Variants in ADAMTSL1 observed in about 807,000 individuals in gnomAD.
The protein encoded by ADAMTSL1 is ADAMTS-like protein 1.
ADAMTSL1 carries 126 observed loss-of-function variants against 201.8 expected under a neutral mutation model. That is an observed-to-expected ratio of 0.62 (90% CI 0.54 to 0.72). The LOEUF (loss-of-function observed/expected upper bound fraction) is 0.72, where lower values mean the gene tolerates loss of function less well. Among genes scored for constraint, ADAMTSL1 ranks in the 30% least tolerant of loss-of-function variants. ADAMTSL1 has a pLI of 0.00. For missense variants in ADAMTSL1, 2,679 were observed against 2,277.8 expected, an observed-to-expected ratio of 1.18 and a Z score of -3.59; for synonymous variants, 1,121 against 903.4, an observed-to-expected ratio of 1.24 and a Z score of -4.32.
At position 18,646,410 on chromosome 9, in the gene ADAMTSL1, G is replaced by A. The variant is rs1381644068; in HGVS notation, c.834+6999G>A. On this transcript the variant is annotated intron_variant, in intron 7 of 28. Coordinates refer to ENST00000380548, the MANE Select transcript of ADAMTSL1 (RefSeq NM_001040272.6). ...TTCTCCTGCCTAATTGCCCTGGCCAGAACTTCCAGCACTATGTTGAATAGG... is the reference window on the plus strand; with the variant it reads ...TTCTCCTGCCTAATTGCCCTGGCCAAAACTTCCAGCACTATGTTGAATAGG... 2.6e-5 allele frequency among the ~76,000 whole-genome samples: 4 copies of A among 151,910 alleles called. No homozygotes were observed. In the East Asian group the frequency reaches 7.7e-4, roughly 29 times the overall value.
At chr9:18,199,687 G>A (rs180904228) in intron 2 of ADAMTSL1, among the ~76,000 whole-genome samples, 207 of 152,152 alleles carry the variant, frequency 1.4e-3, no homozygotes, top group Admixed American at 2.5e-3. Flanking sequence ...AGCTGATGCT[G>A]GTGGATATAT....
intron 24 of ADAMTSL1, 118 bp from the exon 25 acceptor site, chr9:18,889,450 C>T (rs944526558): frequency 2.7e-6 from 3 of 1,105,432 alleles, no homozygotes; most frequent in Non-Finnish European, 3.8e-6. Flanking sequence ...ATAATAGCTC[C>T]TCTCCTTCAG....
chr9:18,421,452 C>A (rs371249477), intron 2 of ADAMTSL1, among the ~76,000 whole-genome samples: 1 of 152,250 alleles, frequency 6.6e-6, no homozygotes. Context: ...AGCGATAGAG[C>A]CAGGATTCAA....
At chr9:18,196,068 G>T (rs745868577) in intron 2 of ADAMTSL1, among the ~76,000 whole-genome samples, 2 of 152,022 alleles carry the variant, frequency 1.3e-5, no homozygotes, top group Non-Finnish European at 2.9e-5. Flanking sequence ...GCCATTCCAC[G>T]GGTGGACGTT....
intron 2 of ADAMTSL1, among the ~76,000 whole-genome samples, chr9:18,378,339 T>C (rs913650138): frequency 1.3e-5 from 2 of 152,296 alleles, no homozygotes; most frequent in Middle Eastern, 3.4e-3. Context: ...TTTTCTAAAG[T>C]GTAATGAGAG....
chr9:18,730,443 G>A (rs904646324), intron 15 of ADAMTSL1, among the ~76,000 whole-genome samples: 13 of 152,360 alleles, frequency 8.5e-5, no homozygotes, highest in South Asian at 6.2e-4. Flanking sequence ...CTGTCATGGC[G>A]CCAGCCAAGG....
At chr9:18,376,797 C>T (rs1427460908) in intron 2 of ADAMTSL1, among the ~76,000 whole-genome samples, 5 of 151,976 alleles carry the variant, frequency 3.3e-5, no homozygotes, top group Non-Finnish European at 7.4e-5. Context: ...CAGAAAGAGA[C>T]ACTGTCTCAA....
chr9:18,768,187 A>C (rs529127577), intron 16 of ADAMTSL1, among the ~76,000 whole-genome samples: 1 of 152,356 alleles, frequency 6.6e-6, no homozygotes, highest in African/African-American at 2.4e-5. Context: ...TGGGTGAAAG[A>C]CTAAGACCAG....
chr9:18,394,216 A>G (rs923067986), intron 2 of ADAMTSL1, among the ~76,000 whole-genome samples: 3 of 152,156 alleles, frequency 2.0e-5, no homozygotes, highest in Non-Finnish European at 4.4e-5. Context: ...CCATTGACCA[A>G]TAAAAATTAG....
chr9:18,158,573 CAAGTGA>C (rs1827253988), intron 1 of ADAMTSL1, among the ~76,000 whole-genome samples: 2 of 152,020 alleles, frequency 1.3e-5, no homozygotes, highest in South Asian at 4.1e-4. Context: ...TTGTTTATCA[CAAGTGA>C]AATTTACTGA....
chr9:17,939,362 A>T (rs1180220876), intron 1 of ADAMTSL1, among the ~76,000 whole-genome samples: 1 of 151,272 alleles, frequency 6.6e-6, no homozygotes, highest in Non-Finnish European at 1.5e-5. Context: ...TTCTATTCAA[A>T]CTAGTCTGTT....
At chr9:17,985,253 C>G (rs1345489139) in intron 1 of ADAMTSL1, among the ~76,000 whole-genome samples, 2 of 151,882 alleles carry the variant, frequency 1.3e-5, no homozygotes, top group African/African-American at 4.8e-5. Context: ...ATGTAATCAC[C>G]CTATTCACCA....
chr9:18,882,889 G>A (rs1345499119), intron 23 of ADAMTSL1, among the ~76,000 whole-genome samples: 2 of 151,686 alleles, frequency 1.3e-5, no homozygotes, highest in Non-Finnish European at 2.9e-5. Context: ...CTATTTGGGA[G>A]GCTGAGGTGG....
intron 4 of ADAMTSL1, among the ~76,000 whole-genome samples, chr9:18,592,843 C>G (rs137971263): frequency 6.6e-6 from 1 of 152,244 alleles, no homozygotes; most frequent in Non-Finnish European, 1.5e-5. Flanking sequence ...TTGATTCTTC[C>G]AATCCATGAA....
intron 1 of ADAMTSL1, among the ~76,000 whole-genome samples, chr9:18,161,099 C>T (rs1007769703): frequency 6.6e-6 from 1 of 151,794 alleles, no homozygotes; most frequent in Non-Finnish European, 1.5e-5. Flanking sequence ...AAAATGTGAG[C>T]ATTTCTTGGG....
intron 2 of ADAMTSL1, 128 bp from the exon 3 acceptor site, chr9:18,533,119 C>A: frequency 1.6e-6 from 1 of 642,048 alleles, no homozygotes; most frequent in Non-Finnish European, 2.6e-6. Flanking sequence ...AGTAAACCCT[C>A]TAAGAACATG....
intron 2 of ADAMTSL1, among the ~76,000 whole-genome samples, chr9:18,190,010 A>G (rs745378374): frequency 3.3e-5 from 5 of 152,216 alleles, no homozygotes; most frequent in Admixed American, 6.5e-5. Flanking sequence ...TAATGAATCT[A>G]TCTAGAACAA....
At chr9:18,691,925 G>A (rs1564155159) in intron 13 of ADAMTSL1, among the ~76,000 whole-genome samples, 1 of 152,244 alleles carries the variant, frequency 6.6e-6, no homozygotes, top group East Asian at 1.9e-4. Flanking sequence ...TTTTCCTAGA[G>A]AATCTTTAAG....
At chr9:18,776,258 C>A (rs1820982558) in intron 18 of ADAMTSL1, among the ~76,000 whole-genome samples, 1 of 152,260 alleles carries the variant, frequency 6.6e-6, no homozygotes. Context: ...ATATTAATCC[C>A]TAGAGCCGCA....
Sources: gnomAD v4.1 joint callset for allele counts (sites outside exome capture counted in the v4.1 genomes callset) on GRCh38, gnomAD v4.1.1 for gene constraint, MANE v1.5 for transcripts, NCBI Gene and HGNC (gene_info 2026-07-23, HGNC 2026-07-21) for gene names.